Variants in PLCL2 observed in about 807,000 individuals in gnomAD.
PLCL2 encodes the protein phospholipase C like 2, also known as inactive phospholipase C-like protein 2.
Under a neutral mutation model 79.6 loss-of-function variants are expected in PLCL2, and 4 were observed. The observed-to-expected ratio is 0.05, with a 90% CI of 0.02 to 0.11. PLCL2 has a LOEUF of 0.11. PLCL2 is among the 10% of genes least tolerant of loss of function. The pLI, the probability that PLCL2 is intolerant of heterozygous loss-of-function variation, is 1.00. For missense variants in PLCL2, 895 were observed against 1,291.0 expected, an observed-to-expected ratio of 0.69 and a Z score of 4.70; for synonymous variants, 484 against 457.7, an observed-to-expected ratio of 1.06 and a Z score of -0.73.
rs552756313 is a variant in PLCL2, at chr3:16,896,900, A to G, written c.327+11534A>G. ...AATGTGAAGACCCCACCTGGCTGCA[A>G]TTGAATCAGAACCTCTGGGGGTTTC... On this transcript the variant is annotated intron_variant, in intron 1 of 5. Coordinates refer to ENST00000615277, the MANE Select transcript of PLCL2 (RefSeq NM_001144382.2). Among the ~76,000 whole-genome samples the G allele has an allele frequency of 5.3e-5, 8 of 152,332 alleles. No homozygotes were observed. The South Asian group carries it at 1.4e-3, about 28-fold the overall frequency.
intron 1 of PLCL2, among the ~76,000 whole-genome samples, chr3:16,891,022 G>T (rs1265490251): frequency 6.6e-6 from 1 of 152,180 alleles, no homozygotes; most frequent in African/African-American, 2.4e-5. Context: ...CTAGCACTTG[G>T]TCCCATGGCA....
intron 5 of PLCL2, among the ~76,000 whole-genome samples, chr3:17,089,458 A>G (rs2065252572): frequency 6.6e-6 from 1 of 152,198 alleles, no homozygotes; most frequent in African/African-American, 2.4e-5. Flanking sequence ...TTTAACCAGG[A>G]TAGACAGGAA....
chr3:17,070,239 C>T (rs1037880870), intron 5 of PLCL2, among the ~76,000 whole-genome samples: 4 of 152,114 alleles, frequency 2.6e-5, no homozygotes, highest in Admixed American at 2.6e-4. Flanking sequence ...TTACAAGATC[C>T]CCAGGTGATT....
intron 3 of PLCL2, among the ~76,000 whole-genome samples, chr3:17,019,344 T>C (rs1208450029): frequency 6.6e-6 from 1 of 152,170 alleles, no homozygotes; most frequent in East Asian, 1.9e-4. Flanking sequence ...TCTGGGAGGC[T>C]TGGAGTGAAA....
chr3:16,981,585 A>G (rs1162659987), intron 1 of PLCL2, among the ~76,000 whole-genome samples: 5 of 152,230 alleles, frequency 3.3e-5, no homozygotes, highest in Non-Finnish European at 7.3e-5. Context: ...TATCTTCTGA[A>G]AAATTCTTAT....
chr3:17,066,484 G>C (rs559250042), intron 4 of PLCL2, among the ~76,000 whole-genome samples: 2 of 152,194 alleles, frequency 1.3e-5, no homozygotes, highest in Non-Finnish European at 2.9e-5. Flanking sequence ...GAGTTGCTTC[G>C]AAATGGTGTT....
In PLCL2 at chr3:17,032,102, G is replaced by T. The variant is rs142273786; in HGVS notation, c.3019-10772G>T. On this transcript the variant is annotated intron_variant, in intron 3 of 5. Coordinates refer to ENST00000615277, the MANE Select transcript of PLCL2 (RefSeq NM_001144382.2). ...AAGTTTTGGTTAAAAACTAAAATTT[G>T]AGGTTTAGAAATTTTAAATATTTTC... Among the ~76,000 whole-genome samples the T allele has an allele frequency of 4.6e-5, 7 of 152,110 alleles. No individual in the cohort carries two copies. In the East Asian group the frequency reaches 1.3e-3, roughly 29 times the overall value.
At chr3:17,066,116 G>A (rs1326899691) in intron 4 of PLCL2, among the ~76,000 whole-genome samples, 1 of 152,218 alleles carries the variant, frequency 6.6e-6, no homozygotes, top group Non-Finnish European at 1.5e-5. Flanking sequence ...GAAGAGTGGG[G>A]AAAGTGTGTG....
At chr3:17,074,091 C>A (rs1319801284) in intron 5 of PLCL2, among the ~76,000 whole-genome samples, 1 of 152,216 alleles carries the variant, frequency 6.6e-6, no homozygotes, top group Non-Finnish European at 1.5e-5. Flanking sequence ...TACCCCGATT[C>A]ATCAGAGGAA....
chr3:16,952,575 TA>T (rs2063664843), intron 1 of PLCL2, among the ~76,000 whole-genome samples: 2 of 151,826 alleles, frequency 1.3e-5, no homozygotes, highest in African/African-American at 4.8e-5. Context: ...TATTTAAGAT[TA>T]TGGGGGAAAT....
At chr3:16,952,658 CAAT>C (rs1161071727) in intron 1 of PLCL2, among the ~76,000 whole-genome samples, 1 of 151,844 alleles carries the variant, frequency 6.6e-6, no homozygotes, top group Non-Finnish European at 1.5e-5. Context: ...TTGAGAAAAA[CAAT>C]ACATGTACAT....
intron 3 of PLCL2, 34 bp downstream of exon 3, chr3:17,014,945 G>T: frequency 1.9e-6 from 3 of 1,539,846 alleles, no homozygotes; most frequent in Non-Finnish European, 2.7e-6. Context: ...CATAGCCTGG[G>T]TGAGAGAGAT....
At chr3:16,926,931 AT>A (rs577050228) in intron 1 of PLCL2, among the ~76,000 whole-genome samples, 1 of 150,844 alleles carries the variant, frequency 6.6e-6, no homozygotes, top group African/African-American at 2.4e-5. Context: ...GCCCGGCCAC[AT>A]TTTTTTTTAA....
chr3:16,896,377 A>G (rs1035577390), intron 1 of PLCL2, among the ~76,000 whole-genome samples: 2 of 152,182 alleles, frequency 1.3e-5, no homozygotes, highest in Non-Finnish European at 2.9e-5. Flanking sequence ...TACTGAAAGC[A>G]CAAAAGGAGC....
At chr3:17,065,261 A>G (rs2064998077) in intron 4 of PLCL2, among the ~76,000 whole-genome samples, 1 of 152,132 alleles carries the variant, frequency 6.6e-6, no homozygotes, top group Non-Finnish European at 1.5e-5. Flanking sequence ...CCATGTATGC[A>G]GCTACACTTG....
At chr3:17,040,405 T>C (rs976822749) in intron 3 of PLCL2, among the ~76,000 whole-genome samples, 6 of 152,208 alleles carry the variant, frequency 3.9e-5, no homozygotes, top group Admixed American at 3.3e-4. Flanking sequence ...AGAATAATAA[T>C]GCAACTTGTT....
chr3:16,885,230 C>T lies in PLCL2; in HGVS notation c.191C>T (p.Ser64Phe), dbSNP rs555322029. 7.5e-4 allele frequency: 496 copies of T among 664,010 alleles called. 1 individual carries two copies. The highest frequency in any genetic ancestry group is 1.1e-3 in the Non-Finnish European group (387 of 367,310). The allele number at this position is 664,010 out of a possible 1,614,324, so 41.1% of individuals were successfully genotyped here. ...AACGGAGACTGCAGCCTCGGCGTGT[C>T]CGGGGACGAAGCCCGGGCTAGCCCT... is the stretch of plus-strand genomic sequence containing the variant. ...VSNGDCSLGV[S>F]GDEARASPTR... is the part of the protein sequence containing the mutation. Residue 64 changes from serine to phenylalanine, a missense_variant, in exon 1 of 6, where the codon TCC (serine) becomes TTC (phenylalanine). Ser to Phe is a radical substitution (Grantham distance 155). Around this residue, in one of 6 missense-constraint regions of PLCL2, gnomAD observed 110 missense variants for 42.9 expected, o/e 2.56. Coordinates refer to ENST00000615277, the MANE Select transcript of PLCL2 (RefSeq NM_001144382.2).
chr3:16,978,622 G>A (rs1185525408), intron 1 of PLCL2, among the ~76,000 whole-genome samples: 2 of 152,166 alleles, frequency 1.3e-5, no homozygotes, highest in Non-Finnish European at 2.9e-5. Context: ...TCTAACTGTG[G>A]AGAAGTTCTG....
At position 17,002,481 on chromosome 3, in the gene PLCL2, T is replaced by C. The variant is rs561063683; in HGVS notation, c.328-7193T>C. Among the ~76,000 whole-genome samples the C allele has an allele frequency of 5.9e-5, 9 of 152,318 alleles. No individual in the cohort carries two copies. The South Asian group carries it at 1.9e-3, about 32-fold the overall frequency. ...AGACTTTGAATTTTTCCCCATCATC[T>C]GAACTAGAATTCTTATTGATCTTTT... On this transcript the variant is annotated intron_variant, in intron 1 of 5. Transcript: ENST00000615277.
Sources: allele counts gnomAD v4.1 joint callset (sites outside exome capture counted in the v4.1 genomes callset), GRCh38; gene constraint gnomAD v4.1.1; regional missense constraint gnomAD v4.1.1; transcripts MANE v1.5; gene names NCBI Gene and HGNC (gene_info 2026-07-23, HGNC 2026-07-21).